PEX7: variants seen among roughly 807,000 people sequenced by gnomAD.
The protein encoded by PEX7 is PTS2 receptor.
A neutral mutation model predicts 47.5 loss-of-function variants in PEX7; 34 were observed. The observed-to-expected ratio is 0.72, with a 90% CI of 0.54 to 0.95. The LOEUF (loss-of-function observed/expected upper bound fraction) is 0.95. Ranked by LOEUF, PEX7 falls within the 40% of genes least tolerant of loss-of-function variation. The pLI is 0.00. For missense variants in PEX7, 394 were observed against 400.3 expected (o/e 0.98, Z 0.13); for synonymous variants, 141 against 148.8 (o/e 0.95, Z 0.38).
At chr6:136,857,224 C>T (rs1774876903) in intron 5 of PEX7, among the ~76,000 whole-genome samples, 2 of 152,232 alleles carry the variant, frequency 1.3e-5, no homozygotes, top group Admixed American at 6.5e-5. Context: ...ATCTTCTTTG[C>T]TTCACTTGTT....
intron 8 of PEX7, among the ~76,000 whole-genome samples, chr6:136,888,973 G>A (rs578105657): frequency 1.3e-5 from 2 of 152,168 alleles, no homozygotes; most frequent in East Asian, 1.9e-4. Flanking sequence ...TGGGACCATC[G>A]CGTTTGTTAA....
At chr6:136,844,116 G>A (rs2115167668) in intron 3 of PEX7, among the ~76,000 whole-genome samples, 1 of 152,252 alleles carries the variant, frequency 6.6e-6, no homozygotes, top group Non-Finnish European at 1.5e-5. Flanking sequence ...TGTAAACCTA[G>A]CACTTTGGGA....
At chr6:136,836,730 G>A (rs1774390613) in intron 3 of PEX7, among the ~76,000 whole-genome samples, 1 of 151,770 alleles carries the variant, frequency 6.6e-6, no homozygotes, top group African/African-American at 2.4e-5. Flanking sequence ...AGGCGAATGG[G>A]TCACTTGAGG....
chr6:136,887,027 A>C (rs925692703), intron 8 of PEX7, among the ~76,000 whole-genome samples: 8 of 152,108 alleles, frequency 5.3e-5, no homozygotes, highest in African/African-American at 1.9e-4. Context: ...TGCCTGGGCA[A>C]CAGAGTGAGA....
chr6:136,899,103 CAG>C (rs1252093871), intron 9 of PEX7, among the ~76,000 whole-genome samples: 41 of 98,152 alleles, frequency 4.2e-4, no homozygotes, highest in African/African-American at 1.5e-3. Context: ...TTTTTTGAGA[CAG>C]AGTTTCACAC....
chr6:136,905,444 ACT>A (rs1388929002), intron 9 of PEX7, among the ~76,000 whole-genome samples: 1 of 152,066 alleles, frequency 6.6e-6, no homozygotes, highest in Non-Finnish European at 1.5e-5. Flanking sequence ...CAGAATCTAC[ACT>A]CTCTTTTAAA....
chr6:136,877,988 G>A (rs1294983525), intron 8 of PEX7, among the ~76,000 whole-genome samples: 2 of 152,116 alleles, frequency 1.3e-5, no homozygotes, highest in Non-Finnish European at 2.9e-5. Flanking sequence ...CTTGAGCAGT[G>A]GTTTGTAGTT....
chr6:136,913,824 G>T lies in PEX7; in HGVS notation c.*298G>T. The T allele has an allele frequency of 9.1e-6, 3 of 330,248 alleles. No individual in the cohort carries two copies. The highest frequency in any genetic ancestry group is 5.6e-6 in the Non-Finnish European group (1 of 179,608). 20.5% of individuals were successfully genotyped at this position (330,248 alleles called of 1,614,324 possible). On this transcript the variant is annotated 3_prime_UTR_variant, in exon 10 of 10. Coordinates refer to ENST00000318471, the MANE Select transcript of PEX7 (RefSeq NM_000288.4). ...TGGATTAAAATATGGGAGATCAGTAGGTTATACTTATATAGATAGTGATAT... is the reference window on the plus strand; with the variant it reads ...TGGATTAAAATATGGGAGATCAGTATGTTATACTTATATAGATAGTGATAT...
intron 7 of PEX7, among the ~76,000 whole-genome samples, chr6:136,870,384 A>G (rs1324826631): frequency 6.6e-6 from 1 of 152,166 alleles, no homozygotes; most frequent in Non-Finnish European, 1.5e-5. Flanking sequence ...GAGATGGTTA[A>G]TTCTTTCTTT....
At chr6:136,842,270 C>G (rs1774514915) in intron 3 of PEX7, among the ~76,000 whole-genome samples, 2 of 152,232 alleles carry the variant, frequency 1.3e-5, no homozygotes, top group South Asian at 4.1e-4. Flanking sequence ...GCTGGGATTA[C>G]AGGCGTGAGC....
Position 136,822,602 on chromosome 6 carries a change from G to C in PEX7, c.-64G>C, listed in dbSNP as rs565521361. 31 of 1,440,784 alleles carry C rather than the reference G, an allele frequency of 2.2e-5. No homozygotes were observed. Among genetic ancestry groups the C allele is most frequent in the Middle Eastern group, 2.1e-4 (1 of 4,826 alleles). The allele number at this position is 1,440,784 out of a possible 1,614,324, so 89.2% of individuals were successfully genotyped here. Reference sequence around the variant, plus strand: ...CTGCCTGGTCTCTCTAACCGCGCCAGTGTGCCTCCGACTCGGAACGGCTTC... The same window carrying C: ...CTGCCTGGTCTCTCTAACCGCGCCACTGTGCCTCCGACTCGGAACGGCTTC... On this transcript the variant is annotated 5_prime_UTR_variant, in exon 1 of 10. Transcript: ENST00000318471.
intron 3 of PEX7, among the ~76,000 whole-genome samples, chr6:136,839,675 G>A: frequency 6.6e-6 from 1 of 152,194 alleles, no homozygotes; most frequent in East Asian, 1.9e-4. Context: ...TGTGGACGGG[G>A]AGGTTGGGAA....
chr6:136,837,658 T>C (rs1052735574), intron 3 of PEX7, among the ~76,000 whole-genome samples: 5 of 152,114 alleles, frequency 3.3e-5, no homozygotes. Context: ...TGAGCAGGAA[T>C]GCAAGATATC....
chr6:136,905,443 C>T (rs1342836493), intron 9 of PEX7, among the ~76,000 whole-genome samples: 2 of 152,192 alleles, frequency 1.3e-5, no homozygotes, highest in African/African-American at 4.8e-5. Context: ...TCAGAATCTA[C>T]ACTCTCTTTT....
chr6:136,856,239 A>G (rs1031812339), intron 5 of PEX7, among the ~76,000 whole-genome samples: 6 of 149,378 alleles, frequency 4.0e-5, no homozygotes, highest in African/African-American at 9.8e-5. Context: ...ATGTTGTGTT[A>G]GAAATTAATA....
chr6:136,894,740 T>G (rs1775619495), intron 8 of PEX7, among the ~76,000 whole-genome samples: 1 of 152,150 alleles, frequency 6.6e-6, no homozygotes, highest in Non-Finnish European at 1.5e-5. Context: ...ATAAAAAATG[T>G]TCCTAGAGTT....
intron 8 of PEX7, among the ~76,000 whole-genome samples, chr6:136,882,175 CTTTTT>C (rs35653586): frequency 1.9e-5 from 2 of 104,324 alleles, no homozygotes; most frequent in African/African-American, 3.8e-5. Flanking sequence ...TCTTCTTCTT[CTTTTT>C]TTTTTTTTTT....
At chr6:136,855,737 C>A (rs1045301129) in intron 5 of PEX7, 2 of 402,052 alleles carry the variant, frequency 5.0e-6, no homozygotes, top group East Asian at 8.0e-5. Flanking sequence ...ATGACAAACA[C>A]CCAGTTTGCC....
intron 8 of PEX7, among the ~76,000 whole-genome samples, chr6:136,875,006 G>A (rs150959211): frequency 2.0e-5 from 3 of 151,990 alleles, no homozygotes; most frequent in Non-Finnish European, 4.4e-5. Context: ...GGGCGTGGTG[G>A]CACATGCCTG....
Sources: allele counts gnomAD v4.1 joint callset (sites outside exome capture counted in the v4.1 genomes callset), GRCh38; gene constraint gnomAD v4.1.1; transcripts MANE v1.5; gene names NCBI Gene and HGNC (gene_info 2026-07-23, HGNC 2026-07-21).